HHAT: variants seen among roughly 807,000 people sequenced by gnomAD.
The protein encoded by HHAT is hedgehog acyltransferase.
HHAT carries 47 observed loss-of-function variants against 70.8 expected under a neutral mutation model. The ratio of observed to expected loss-of-function variants is 0.66; its 90% CI spans 0.53 to 0.85. The LOEUF (loss-of-function observed/expected upper bound fraction) is 0.85. Among genes scored for constraint, HHAT ranks in the 40% least tolerant of loss-of-function variants. HHAT has a pLI of 0.00. For synonymous variants in HHAT, 228 were observed against 247.6 expected, an observed-to-expected ratio of 0.92 and a Z score of 0.74; for missense variants, 609 against 604.8, an observed-to-expected ratio of 1.01 and a Z score of -0.07.
chr1:210,370,966 C>T (rs2089519142), intron 3 of HHAT, among the ~76,000 whole-genome samples: 2 of 152,130 alleles, frequency 1.3e-5, no homozygotes, highest in South Asian at 4.1e-4. Context: ...TTCCTGTTCT[C>T]ACCAGGAAAT....
intron 11 of HHAT, among the ~76,000 whole-genome samples, chr1:210,655,120 C>T (rs924772794): frequency 6.6e-6 from 1 of 152,004 alleles, no homozygotes; most frequent in Non-Finnish European, 1.5e-5. Context: ...CCAGAAGCTG[C>T]GGCAGCTGAG....
At chr1:210,487,364 G>A (rs543395609) in intron 8 of HHAT, among the ~76,000 whole-genome samples, 2 of 152,290 alleles carry the variant, frequency 1.3e-5, no homozygotes, top group African/African-American at 2.4e-5. Flanking sequence ...GTCTCCTGCA[G>A]AGCCCCACAA....
chr1:210,345,091 C>G (rs12407138), intron 1 of HHAT, among the ~76,000 whole-genome samples: 55,445 of 151,740 alleles, frequency 0.37, 10,575 homozygotes, highest in South Asian at 0.45. Context: ...TTCTGCCATA[C>G]CTCTATCTTG....
At chr1:210,643,382 T>G (rs538659608) in intron 11 of HHAT, among the ~76,000 whole-genome samples, 1 of 152,392 alleles carries the variant, frequency 6.6e-6, no homozygotes, top group East Asian at 1.9e-4. Flanking sequence ...TCTACAATAT[T>G]GGTACATCCC....
chr1:210,599,122 C>T (rs1411746834), intron 10 of HHAT, among the ~76,000 whole-genome samples: 1 of 152,164 alleles, frequency 6.6e-6, no homozygotes, highest in African/African-American at 2.4e-5. Flanking sequence ...GTTAATTGCA[C>T]TGTCCAGTAC....
intron 9 of HHAT, among the ~76,000 whole-genome samples, chr1:210,565,170 G>C (rs1392003891): frequency 6.6e-6 from 1 of 152,170 alleles, no homozygotes; most frequent in Admixed American, 6.5e-5. Flanking sequence ...AACTATGGGA[G>C]AAGGGACAAA....
At chr1:210,653,748 A>G (rs897406237) in intron 11 of HHAT, among the ~76,000 whole-genome samples, 4 of 152,126 alleles carry the variant, frequency 2.6e-5, no homozygotes, top group African/African-American at 9.7e-5. Flanking sequence ...AAAAGAGATT[A>G]AATTTTTTGA....
chr1:210,392,198 A>C (rs1296409867), intron 4 of HHAT, among the ~76,000 whole-genome samples: 1 of 152,068 alleles, frequency 6.6e-6, no homozygotes, highest in Admixed American at 6.5e-5. Flanking sequence ...AACTGAACAC[A>C]TGGAAGAATG....
intron 3 of HHAT, chr1:210,369,878 C>T (rs778104737): frequency 1.3e-5 from 2 of 152,182 alleles, no homozygotes; most frequent in Non-Finnish European, 2.9e-5. Flanking sequence ...GCAAATGACT[C>T]AAGACAGGGA....
At chr1:210,442,780 A>C (rs1281603425) in intron 7 of HHAT, among the ~76,000 whole-genome samples, 2 of 151,836 alleles carry the variant, frequency 1.3e-5, no homozygotes, top group African/African-American at 4.8e-5. Flanking sequence ...GGTTGCGAAA[A>C]TTTTCTCCCA....
intron 9 of HHAT, among the ~76,000 whole-genome samples, chr1:210,520,232 G>C (rs755071329): frequency 1.3e-5 from 2 of 151,956 alleles, no homozygotes; most frequent in Non-Finnish European, 2.9e-5. Flanking sequence ...GGCCAGGCTG[G>C]TCTCGAACTC....
chr1:210,441,486 T>A lies in HHAT; in HGVS notation c.857-23019T>A, dbSNP rs554803218. Among the ~76,000 whole-genome samples, 3 of 152,316 alleles carry A rather than the reference T, an allele frequency of 2.0e-5. No homozygotes were observed. In the South Asian group the frequency reaches 6.2e-4, roughly 32 times the overall value. On this transcript the variant is annotated intron_variant, in intron 7 of 11. Coordinates refer to ENST00000261458, the MANE Select transcript of HHAT (RefSeq NM_018194.6). ...GCTGTCAAGTAGTTACCTAAGTGAGTTTTTTGGTGGTTATTCTACAAATAT... is the reference window on the plus strand; with the variant it reads ...GCTGTCAAGTAGTTACCTAAGTGAGATTTTTGGTGGTTATTCTACAAATAT...
At chr1:210,540,559 A>T (rs1340385250) in intron 9 of HHAT, among the ~76,000 whole-genome samples, 1 of 151,322 alleles carries the variant, frequency 6.6e-6, no homozygotes, top group Non-Finnish European at 1.5e-5. Context: ...TCATAGACAT[A>T]CACATAGTGT....
intron 10 of HHAT, among the ~76,000 whole-genome samples, chr1:210,606,482 G>A (rs923942885): frequency 9.4e-5 from 6 of 64,024 alleles, no homozygotes; most frequent in Non-Finnish European, 2.5e-4. Context: ...CATGGTCAGA[G>A]GTATCTGCTC....
intron 3 of HHAT, among the ~76,000 whole-genome samples, chr1:210,381,532 T>C (rs1174563718): frequency 6.6e-6 from 1 of 152,136 alleles, no homozygotes; most frequent in African/African-American, 2.4e-5. Flanking sequence ...CCACCCACCT[T>C]AGCTTTCCAA....
At chr1:210,386,152 G>A (rs2091022694) in intron 3 of HHAT, among the ~76,000 whole-genome samples, 1 of 151,202 alleles carries the variant, frequency 6.6e-6, no homozygotes, top group African/African-American at 2.4e-5. Context: ...CCAATTAAGA[G>A]AGGCTTCAAG....
intron 3 of HHAT, among the ~76,000 whole-genome samples, chr1:210,380,110 C>T (rs2090518658): frequency 6.6e-6 from 1 of 152,180 alleles, no homozygotes; most frequent in African/African-American, 2.4e-5. Flanking sequence ...ATTGTATAAT[C>T]ATTCAAATTT....
At chr1:210,494,429 G>T (rs2094598633) in intron 8 of HHAT, among the ~76,000 whole-genome samples, 1 of 152,078 alleles carries the variant, frequency 6.6e-6, no homozygotes, top group Non-Finnish European at 1.5e-5. Context: ...AAATATGACT[G>T]CAGGGTTTTT....
At chr1:210,588,312 A>C in intron 10 of HHAT, 2 of 475,736 alleles carry the variant, frequency 4.2e-6, no homozygotes, top group Non-Finnish European at 7.4e-6. Context: ...TGTATATATA[A>C]CTATAAAAAA....
Sources: allele counts gnomAD v4.1 joint callset (sites outside exome capture counted in the v4.1 genomes callset), GRCh38; gene constraint gnomAD v4.1.1; transcripts MANE v1.5; gene names NCBI Gene and HGNC (gene_info 2026-07-23, HGNC 2026-07-21).